The following NAALADL2 variants were observed in gnomAD, a reference collection of about 807,000 sequenced individuals.
NAALADL2 encodes the protein N-acetylated alpha-linked acidic dipeptidase like 2, also known as inactive N-acetylated-alpha-linked acidic dipeptidase-like protein 2.
In NAALADL2, 76 loss-of-function variants were observed where a neutral mutation model predicts 87.2. The ratio of observed to expected loss-of-function variants is 0.87; its 90% CI spans 0.72 to 1.05. The LOEUF (loss-of-function observed/expected upper bound fraction) is 1.05. Among genes scored for constraint, NAALADL2 ranks in the 50% least tolerant of loss-of-function variants. The probability of loss-of-function intolerance (pLI) is 0.00; values close to 1 mark genes in which losing one functional copy is unlikely to be tolerated. For missense variants in NAALADL2, 1,089 were observed against 945.8 expected (o/e 1.15, Z -1.99); for synonymous variants, 354 against 331.0 (o/e 1.07, Z -0.75).
chr3:175,334,073 G>A (rs1427442209), intron 5 of NAALADL2, among the ~76,000 whole-genome samples: 2 of 152,026 alleles, frequency 1.3e-5, no homozygotes, highest in African/African-American at 4.8e-5. Context: ...CAATGTTTTA[G>A]GCTTATCTTG....
At chr3:175,020,005 A>G (rs9825659) in intron 1 of NAALADL2, among the ~76,000 whole-genome samples, 31,599 of 151,924 alleles carry the variant, frequency 0.21, 4,482 homozygotes, top group African/African-American at 0.4. Flanking sequence ...TTTTGACTGA[A>G]TCCCAGAACC....
At chr3:174,546,696 T>G (rs1007413194) in intron 1 of NAALADL2, among the ~76,000 whole-genome samples, 1 of 152,186 alleles carries the variant, frequency 6.6e-6, no homozygotes, top group Non-Finnish European at 1.5e-5. Flanking sequence ...TTTGCTCTGT[T>G]GTTCATGCTT....
intron 5 of NAALADL2, among the ~76,000 whole-genome samples, chr3:175,374,445 TCAGGAGGCTG>T (rs1188528280): frequency 6.1e-5 from 9 of 146,958 alleles, no homozygotes; most frequent in Non-Finnish European, 1.0e-4. Context: ...TCCCAGCTAC[TCAGGAGGCTG>T]AGGTAGAAGA....
intron 2 of NAALADL2, among the ~76,000 whole-genome samples, chr3:174,707,402 TC>T (rs1276139281): frequency 6.6e-6 from 1 of 151,980 alleles, no homozygotes; most frequent in East Asian, 1.9e-4. Context: ...AACCCAAATG[TC>T]CAACAATGAT....
intron 5 of NAALADL2, among the ~76,000 whole-genome samples, chr3:175,327,619 A>G (rs1018020367): frequency 1.4e-4 from 21 of 152,298 alleles, no homozygotes; most frequent in African/African-American, 5.1e-4. Flanking sequence ...CTTTTATATA[A>G]TATCTTAAGA....
chr3:175,174,196 C>A (rs2108935558), intron 2 of NAALADL2, among the ~76,000 whole-genome samples: 1 of 152,162 alleles, frequency 6.6e-6, no homozygotes, highest in Admixed American at 6.5e-5. Flanking sequence ...ATCCATATAA[C>A]AAATATTTTA....
intron 9 of NAALADL2, among the ~76,000 whole-genome samples, chr3:175,475,951 G>A (rs545390620): frequency 4.6e-5 from 7 of 152,182 alleles, no homozygotes; most frequent in East Asian, 1.9e-4. Context: ...TCAAACTCCC[G>A]GTCTCAAGTG....
At chr3:175,082,025 G>A (rs187642079) in intron 1 of NAALADL2, among the ~76,000 whole-genome samples, 28 of 148,810 alleles carry the variant, frequency 1.9e-4, no homozygotes, top group African/African-American at 3.9e-4. Flanking sequence ...TCTCTCTCTC[G>A]TTCCCTTTGT....
rs1416221156 is a variant in NAALADL2 at position 175,299,810 on chromosome 3, C to T, written c.940-24365C>T. On this transcript the variant is annotated intron_variant, in intron 4 of 13. Transcript: ENST00000454872. Reference sequence around the variant, plus strand: ...TCTTGCCTGATTGCCCTGTCCAGAACTTCCAATACTATGTTGAATAGGAGT... The same window carrying T: ...TCTTGCCTGATTGCCCTGTCCAGAATTTCCAATACTATGTTGAATAGGAGT... 2.0e-5 allele frequency among the ~76,000 whole-genome samples: 3 copies of T among 152,204 alleles called. No individual in the cohort carries two copies. In the East Asian group the frequency reaches 5.8e-4, roughly 29 times the overall value.
intron 2 of NAALADL2, among the ~76,000 whole-genome samples, chr3:174,726,842 T>A (rs1340414646): frequency 6.6e-6 from 1 of 152,168 alleles, no homozygotes; most frequent in Non-Finnish European, 1.5e-5. Flanking sequence ...TGCTTTCTTC[T>A]ATGTGCTCGT....
chr3:175,548,692 A>G (rs1713816355), intron 9 of NAALADL2, among the ~76,000 whole-genome samples: 1 of 152,066 alleles, frequency 6.6e-6, no homozygotes, highest in Non-Finnish European at 1.5e-5. Context: ...AAGACAGTGC[A>G]CAGTGCTAGA....
chr3:175,737,848 T>G (rs1007465880), intron 12 of NAALADL2, among the ~76,000 whole-genome samples: 1 of 151,722 alleles, frequency 6.6e-6, no homozygotes, highest in African/African-American at 2.4e-5. Context: ...ACTGAGTTAT[T>G]GGCTCAGACT....
chr3:175,656,711 G>GTGTGTGTGTA (rs1192276490), intron 11 of NAALADL2, among the ~76,000 whole-genome samples: 1 of 149,924 alleles, frequency 6.7e-6, no homozygotes, highest in Non-Finnish European at 1.5e-5. Flanking sequence ...TAGTAGTCTG[G>GTGTGTGTGTA]TGTGTGTGTA....
chr3:175,424,490 T>C (rs1319596438), intron 5 of NAALADL2, among the ~76,000 whole-genome samples: 1 of 152,224 alleles, frequency 6.6e-6, no homozygotes, highest in Non-Finnish European at 1.5e-5. Context: ...TAGCCAGTTT[T>C]CCCAGCACCA....
chr3:174,580,727 C>T (rs1716076798), intron 2 of NAALADL2, among the ~76,000 whole-genome samples: 1 of 151,830 alleles, frequency 6.6e-6, no homozygotes, highest in Admixed American at 6.6e-5. Context: ...GTATGTATAC[C>T]ACAATTTGTT....
chr3:175,167,154 A>T (rs987824807), intron 2 of NAALADL2, among the ~76,000 whole-genome samples: 1 of 152,060 alleles, frequency 6.6e-6, no homozygotes, highest in African/African-American at 2.4e-5. Flanking sequence ...GACTGTGTGA[A>T]CCATACAGTC....
chr3:175,419,629 T>C (rs1715304314), intron 5 of NAALADL2, among the ~76,000 whole-genome samples: 1 of 151,964 alleles, frequency 6.6e-6, no homozygotes, highest in Non-Finnish European at 1.5e-5. Flanking sequence ...GGAAACAAAA[T>C]AGTGCCATCG....
intron 1 of NAALADL2, among the ~76,000 whole-genome samples, chr3:174,951,938 C>T (rs1740430049): frequency 6.6e-6 from 1 of 152,104 alleles, no homozygotes; most frequent in African/African-American, 2.4e-5. Context: ...CCAAGCTCTT[C>T]AGTTTTCTAA....
intron 1 of NAALADL2, among the ~76,000 whole-genome samples, chr3:174,545,437 G>A (rs1477447805): frequency 6.6e-6 from 1 of 152,102 alleles, no homozygotes; most frequent in African/African-American, 2.4e-5. Flanking sequence ...CTTCTTACAT[G>A]CCTGAAATGT....
Sources: allele counts gnomAD v4.1 joint callset (sites outside exome capture counted in the v4.1 genomes callset), GRCh38; gene constraint gnomAD v4.1.1; transcripts MANE v1.5; gene names NCBI Gene and HGNC (gene_info 2026-07-23, HGNC 2026-07-21).